Variants in KCNH5 observed in about 807,000 individuals in gnomAD.
KCNH5 encodes potassium voltage-gated channel subfamily H member 5.
In KCNH5, 46 loss-of-function variants were observed where a neutral mutation model predicts 96.1. The observed-to-expected ratio is 0.48, with a 90% CI of 0.38 to 0.61. KCNH5 has a LOEUF of 0.61. KCNH5 is among the 20% of genes least tolerant of loss of function. The pLI, the probability that KCNH5 is intolerant of heterozygous loss-of-function variation, is 0.00. For missense variants in KCNH5, 907 were observed against 1,225.8 expected, an observed-to-expected ratio of 0.74 and a Z score of 3.88; for synonymous variants, 439 against 449.8, an observed-to-expected ratio of 0.98 and a Z score of 0.30.
intron 6 of KCNH5, among the ~76,000 whole-genome samples, chr14:62,959,353 A>T (rs1247792307): frequency 6.6e-6 from 1 of 152,112 alleles, no homozygotes. Context: ...AAAAGACAAC[A>T]TATTTTTTAA....
chr14:62,799,744 C>CACAT (rs1886619298), intron 9 of KCNH5, among the ~76,000 whole-genome samples: 1 of 122,604 alleles, frequency 8.2e-6, no homozygotes, highest in Non-Finnish European at 1.7e-5. Flanking sequence ...CACACACACA[C>CACAT]ATATCAGGGT....
intron 5 of KCNH5, among the ~76,000 whole-genome samples, chr14:62,982,252 G>T (rs974812912): frequency 6.6e-6 from 1 of 152,066 alleles, no homozygotes; most frequent in African/African-American, 2.4e-5. Context: ...CCACTTGAAT[G>T]CAGGAGGCAG....
chr14:63,027,216 G>A (rs1238308389), intron 1 of KCNH5, among the ~76,000 whole-genome samples: 1 of 152,046 alleles, frequency 6.6e-6, no homozygotes, highest in East Asian at 1.9e-4. Flanking sequence ...GGGAGATGTT[G>A]GTCAAGGGAC....
At chr14:62,959,356 T>G (rs1050564441) in intron 6 of KCNH5, among the ~76,000 whole-genome samples, 1 of 152,124 alleles carries the variant, frequency 6.6e-6, no homozygotes, top group African/African-American at 2.4e-5. Context: ...AGACAACATA[T>G]TTTTTAATTC....
At chr14:62,777,364 T>A (rs1174503722) in intron 10 of KCNH5, among the ~76,000 whole-genome samples, 1 of 152,204 alleles carries the variant, frequency 6.6e-6, no homozygotes, top group East Asian at 1.9e-4. Context: ...AACGTCTTCA[T>A]GGGTGAAATG....
chr14:62,848,956 A>C (rs1887751846), intron 8 of KCNH5, among the ~76,000 whole-genome samples: 1 of 152,228 alleles, frequency 6.6e-6, no homozygotes, highest in Non-Finnish European at 1.5e-5. Flanking sequence ...GATGTGAATC[A>C]GCTGGGTGTA....
At chr14:62,953,615 G>A (rs1034559499) in intron 6 of KCNH5, among the ~76,000 whole-genome samples, 7 of 152,178 alleles carry the variant, frequency 4.6e-5, no homozygotes, top group African/African-American at 1.4e-4. Flanking sequence ...GACCTGGGGC[G>A]AAGCCTCAAC....
At chr14:62,760,010 A>C (rs1164572022) in intron 10 of KCNH5, among the ~76,000 whole-genome samples, 3 of 152,102 alleles carry the variant, frequency 2.0e-5, no homozygotes, top group Non-Finnish European at 2.9e-5. Context: ...TTTCAATAAC[A>C]AGCCACTTGG....
intron 1 of KCNH5, among the ~76,000 whole-genome samples, chr14:63,021,233 G>A (rs1034276220): frequency 6.6e-6 from 1 of 151,904 alleles, no homozygotes; most frequent in Non-Finnish European, 1.5e-5. Flanking sequence ...AACCCTTCCT[G>A]TATCCTATCA....
At chr14:62,737,046 T>G (rs1010107670) in intron 10 of KCNH5, among the ~76,000 whole-genome samples, 1 of 152,164 alleles carries the variant, frequency 6.6e-6, no homozygotes, top group South Asian at 2.1e-4. Flanking sequence ...CCTTATCTTC[T>G]TTAAGTCTTT....
chr14:62,714,417 T>C (rs916752632), intron 10 of KCNH5, among the ~76,000 whole-genome samples: 11 of 152,224 alleles, frequency 7.2e-5, no homozygotes, highest in African/African-American at 1.2e-4. Context: ...ATGGTGTGTT[T>C]TTATTTACAT....
chr14:62,741,018 A>G (rs1418301270), intron 10 of KCNH5, among the ~76,000 whole-genome samples: 1 of 152,162 alleles, frequency 6.6e-6, no homozygotes. Flanking sequence ...TATTCTGAGT[A>G]TGAAACAAAA....
chr14:62,944,785 A>G (rs1476201017), intron 7 of KCNH5, among the ~76,000 whole-genome samples: 1 of 152,142 alleles, frequency 6.6e-6, no homozygotes, highest in Non-Finnish European at 1.5e-5. Flanking sequence ...CAAGGACCCA[A>G]GGACTAAAAG....
chr14:62,902,599 AG>A (rs1228871364), intron 7 of KCNH5, among the ~76,000 whole-genome samples: 2 of 152,212 alleles, frequency 1.3e-5, no homozygotes, highest in Admixed American at 6.5e-5. Flanking sequence ...TTTTTTAGTC[AG>A]AAAAAGCTGA....
chr14:62,920,107 G>A (rs1889351983), intron 7 of KCNH5, among the ~76,000 whole-genome samples: 1 of 152,138 alleles, frequency 6.6e-6, no homozygotes, highest in African/African-American at 2.4e-5. Flanking sequence ...CATGCTGCCA[G>A]TTGAATGTGG....
chr14:63,017,338 T>C (rs943345730), intron 1 of KCNH5, among the ~76,000 whole-genome samples: 1 of 151,950 alleles, frequency 6.6e-6, no homozygotes, highest in Non-Finnish European at 1.5e-5. Context: ...AAATTGAGAA[T>C]ATTGAAGTTG....
chr14:62,750,080 G>A (rs1566648447), intron 10 of KCNH5, among the ~76,000 whole-genome samples: 1 of 152,092 alleles, frequency 6.6e-6, no homozygotes, highest in African/African-American at 2.4e-5. Context: ...TTTTACATGG[G>A]GGCATCTGGG....
chr14:62,769,215 T>C (rs1485507950), intron 10 of KCNH5, among the ~76,000 whole-genome samples: 2 of 152,218 alleles, frequency 1.3e-5, no homozygotes, highest in African/African-American at 2.4e-5. Context: ...ATCACGCCTG[T>C]GGCGTGTAAA....
intron 4 of KCNH5, among the ~76,000 whole-genome samples, chr14:62,989,105 C>T (rs1890763866): frequency 6.6e-6 from 1 of 152,008 alleles, no homozygotes; most frequent in Non-Finnish European, 1.5e-5. Flanking sequence ...TGAATCTCCT[C>T]TCTGCACCCC....
Sources: gnomAD v4.1 joint callset for allele counts (sites outside exome capture counted in the v4.1 genomes callset) on GRCh38, gnomAD v4.1.1 for gene constraint, MANE v1.5 for transcripts, NCBI Gene and HGNC (gene_info 2026-07-23, HGNC 2026-07-21) for gene names.